Variants in NIBAN2 observed in about 807,000 individuals in gnomAD.
NIBAN2 encodes protein Niban 2.
In NIBAN2, 36 loss-of-function variants were observed where a neutral mutation model predicts 81.8. The ratio of observed to expected loss-of-function variants is 0.44; its 90% CI spans 0.34 to 0.58. The LOEUF (loss-of-function observed/expected upper bound fraction) is 0.58. Among genes scored for constraint, NIBAN2 ranks in the 20% least tolerant of loss-of-function variants. NIBAN2 has a pLI of 0.02. For missense variants in NIBAN2, 897 were observed against 1,014.1 expected (o/e 0.88, Z 1.57); for synonymous variants, 445 against 441.6 (o/e 1.01, Z -0.10).
At chr9:127,561,222 C>T in intron 1 of NIBAN2, 1 of 985,444 alleles carries the variant, frequency 1.0e-6, no homozygotes, top group Non-Finnish European at 1.2e-6. Context: ...GGGCCATAGG[C>T]TGGTGCTCCT....
In NIBAN2 at chr9:127,516,894, A is replaced by C; in HGVS notation, c.936T>G (p.Ile312Met). The change falls in exon 8 of 14, where the codon ATT becomes ATG. Residue 312 changes from isoleucine (I) to methionine (M), a missense_variant. Coordinates refer to ENST00000373312, the MANE Select transcript of NIBAN2 (RefSeq NM_022833.4). ...QAVIRTDMDQIITSKEHLASK... is the reference protein window; with the variant it reads ...QAVIRTDMDQMITSKEHLASK... ...TGGCAAGGTGCTCCTTGGAGGTGAT[A>C]ATTTGGTCCATGTCAGTTCGGATGA... is the stretch of plus-strand genomic sequence containing the variant. 3.1e-6 allele frequency: 5 copies of C among 1,614,042 alleles called. No homozygotes were observed. Among genetic ancestry groups the C allele is most frequent in the Non-Finnish European group, 4.2e-6 (5 of 1,179,952 alleles).
chr9:127,540,922 C>A (rs1436857296), intron 1 of NIBAN2, among the ~76,000 whole-genome samples: 6 of 152,236 alleles, frequency 3.9e-5, no homozygotes, highest in African/African-American at 1.4e-4. Flanking sequence ...GGTTTGCCGA[C>A]TGAAACCAGG....
In NIBAN2 at chr9:127,517,002, G is replaced by A. The variant is rs757225472; in HGVS notation, c.828C>T (p.Tyr276=). 2 of 1,613,686 alleles carry A rather than the reference G, an allele frequency of 1.2e-6. No individual in the cohort carries two copies. The highest frequency in any genetic ancestry group is 4.5e-5 in the East Asian group (2 of 44,872). ...RQWIQISDAV[Y]HMVYEQAKAR... ...CCTTGGCCTGCTCGTACACCATGTG[G>A]TACACGGCGTCCGAGATCTGTGGGC... Residue 276 remains tyrosine (Y), a synonymous_variant, in exon 8 of 14, where the codon TAC becomes TAT. Transcript: ENST00000373312. This position sits in a 1 kb window ranked among gnomAD's most constrained non-coding sequence, Gnocchi z 4.0.
chr9:127,548,262 C>T (rs1224472996), intron 1 of NIBAN2, among the ~76,000 whole-genome samples: 1 of 152,228 alleles, frequency 6.6e-6, no homozygotes, highest in Non-Finnish European at 1.5e-5. Flanking sequence ...TCAATGAAGA[C>T]TTCTGAAAGC....
intron 1 of NIBAN2, among the ~76,000 whole-genome samples, chr9:127,535,935 C>T (rs1005661888): frequency 1.3e-5 from 2 of 151,904 alleles, no homozygotes; most frequent in South Asian, 2.1e-4. Context: ...ACTGAGGGAG[C>T]GCCATGCTGC....
intron 1 of NIBAN2, among the ~76,000 whole-genome samples, chr9:127,537,943 G>A (rs1029941739): frequency 6.6e-6 from 1 of 152,294 alleles, no homozygotes; most frequent in Admixed American, 6.5e-5. Context: ...GTGGAGTTGA[G>A]TCCTGATCTG....
chr9:127,562,847 A>C (rs1234706480), intron 1 of NIBAN2, among the ~76,000 whole-genome samples: 1 of 152,212 alleles, frequency 6.6e-6, no homozygotes, highest in African/African-American at 2.4e-5. Flanking sequence ...CCTCAAATGG[A>C]ATAAAATGCA....
intron 1 of NIBAN2, among the ~76,000 whole-genome samples, chr9:127,539,635 G>A (rs1029011243): frequency 1.3e-5 from 2 of 152,176 alleles, no homozygotes; most frequent in African/African-American, 2.4e-5. Flanking sequence ...TCAGCTGACC[G>A]AAAATCTCAA....
At chr9:127,518,596 G>T (rs1836877582) in intron 5 of NIBAN2, among the ~76,000 whole-genome samples, 2 of 152,238 alleles carry the variant, frequency 1.3e-5, no homozygotes, top group Non-Finnish European at 2.9e-5. Context: ...ACAGGCAATT[G>T]GCTGATCTGG....
intron 1 of NIBAN2, among the ~76,000 whole-genome samples, chr9:127,568,301 C>T (rs1837893292): frequency 1.3e-5 from 2 of 152,192 alleles, no homozygotes; most frequent in Admixed American, 6.5e-5. Flanking sequence ...CCCCACTCCC[C>T]AGAATCAGTC....
At chr9:127,540,039 C>T (rs1282323177) in intron 1 of NIBAN2, among the ~76,000 whole-genome samples, 2 of 152,210 alleles carry the variant, frequency 1.3e-5, no homozygotes, top group East Asian at 3.8e-4. Flanking sequence ...CCAATGGGGG[C>T]TCCTAAGAAG....
At chr9:127,512,798 T>C (rs1836761045) in intron 8 of NIBAN2, among the ~76,000 whole-genome samples, 1 of 152,170 alleles carries the variant, frequency 6.6e-6, no homozygotes, top group Non-Finnish European at 1.5e-5. Context: ...ACAACCACTA[T>C]GGAGAACAGT....
intron 1 of NIBAN2, among the ~76,000 whole-genome samples, chr9:127,562,265 G>A (rs1309171141): frequency 6.6e-6 from 1 of 152,150 alleles, no homozygotes; most frequent in Non-Finnish European, 1.5e-5. Flanking sequence ...TGCCCAGTCT[G>A]GGCACCACGG....
chr9:127,544,542 T>C (rs2132211686), intron 1 of NIBAN2, among the ~76,000 whole-genome samples: 1 of 152,244 alleles, frequency 6.6e-6, no homozygotes, highest in East Asian at 1.9e-4. Flanking sequence ...CCCACTCTGT[T>C]GCCCAGGCTG....
In NIBAN2 at chr9:127,516,960, C is replaced by T; in HGVS notation, c.870G>A (p.Val290=). 6.2e-7 allele frequency: 1 copy of T among 1,614,114 alleles called. No individual in the cohort carries two copies. The highest frequency in any genetic ancestry group is 8.5e-7 in the Non-Finnish European group (1 of 1,180,008). ...GCTGCACCTGCTGCACCTTGGACAG[C>T]ACCTCCTCGAAGCGCGCCTTGGCCT... is the stretch of plus-strand genomic sequence containing the variant. The part of the protein sequence containing the change: ...YEQAKARFEE[V]LSKVQQVQPA... Residue 290 remains valine, a synonymous_variant, in exon 8 of 14, where the codon GTG becomes GTA. Coordinates refer to ENST00000373312, the MANE Select transcript of NIBAN2 (RefSeq NM_022833.4).
chr9:127,565,555 G>A (rs1163154926), intron 1 of NIBAN2, among the ~76,000 whole-genome samples: 1 of 151,980 alleles, frequency 6.6e-6, no homozygotes, highest in Non-Finnish European at 1.5e-5. Context: ...CACTTTGGGA[G>A]GCTGAGGAGG....
chr9:127,538,309 A>C (rs566304868), intron 1 of NIBAN2, among the ~76,000 whole-genome samples: 1 of 152,282 alleles, frequency 6.6e-6, no homozygotes, highest in Non-Finnish European at 1.5e-5. Flanking sequence ...TGCCAGGGAT[A>C]GGTGCCTATC....
intron 1 of NIBAN2, among the ~76,000 whole-genome samples, chr9:127,543,542 G>C (rs1837419674): frequency 6.6e-6 from 1 of 152,128 alleles, no homozygotes; most frequent in Non-Finnish European, 1.5e-5. Context: ...AAGAGACTAT[G>C]GACTAACTTG....
intron 9 of NIBAN2, 143 bp downstream of exon 9, chr9:127,510,003 C>T (rs1836702976): frequency 1.4e-6 from 1 of 705,274 alleles, no homozygotes; most frequent in Non-Finnish European, 2.3e-6. Flanking sequence ...ACAGCCTCTG[C>T]CCCTAGTCCC....
Sources: gnomAD v4.1 joint callset for allele counts (sites outside exome capture counted in the v4.1 genomes callset) on GRCh38, gnomAD v4.1.1 for gene constraint, Gnocchi (gnomAD v3.1) non-coding constraint, MANE v1.5 for transcripts, NCBI Gene and HGNC (gene_info 2026-07-23, HGNC 2026-07-21) for gene names.